Variants in DNAJC1 observed in about 807,000 individuals in gnomAD.
DNAJC1 encodes DnaJ heat shock protein family (Hsp40) member C1.
DNAJC1 carries 58 observed loss-of-function variants against 76.6 expected under a neutral mutation model. That is an observed-to-expected ratio of 0.76 (90% CI 0.61 to 0.94). The LOEUF (loss-of-function observed/expected upper bound fraction) is 0.94. Ranked by LOEUF, DNAJC1 falls within the 40% of genes least tolerant of loss-of-function variation. The pLI is 0.00. For missense variants in DNAJC1, 689 were observed against 677.3 expected, an observed-to-expected ratio of 1.02 and a Z score of -0.19; for synonymous variants, 258 against 267.9, an observed-to-expected ratio of 0.96 and a Z score of 0.36.
chr10:21,806,117 A>T lies in DNAJC1; in HGVS notation c.979-18T>A. On this transcript the variant is annotated intron_variant, in intron 8 of 11. Transcript: ENST00000376980. ...TCAGGTGCCTGCAAAACATTAAAGA[A>T]AATAAAAAAAGATAATTGGGAGAAA... 6.3e-7 allele frequency: 1 copy of T among 1,587,898 alleles called. No individual in the cohort carries two copies. The highest frequency in any genetic ancestry group is 1.2e-5 in the South Asian group (1 of 85,732).
At chr10:21,911,085 A>AAGGC (rs1442064993) in intron 6 of DNAJC1, among the ~76,000 whole-genome samples, 7 of 120,404 alleles carry the variant, frequency 5.8e-5, no homozygotes, top group Non-Finnish European at 8.8e-5. Context: ...GGAAGGAAGG[A>AAGGC]AGGCGGGAAG....
At chr10:21,775,166 C>T (rs1389177290) in intron 9 of DNAJC1, among the ~76,000 whole-genome samples, 1 of 151,590 alleles carries the variant, frequency 6.6e-6, no homozygotes, top group Non-Finnish European at 1.5e-5. Flanking sequence ...TTTTTTTTCT[C>T]ACTTAAAAGG....
rs1445964867 is a variant in DNAJC1 at position 21,869,976 on chromosome 10, T to C, written c.978+12306A>G. On this transcript the variant is annotated intron_variant, in intron 8 of 11. Transcript: ENST00000376980. ...ATTCGTATTTTATAAGTCAAGCATG[T>C]AACTGACACCACACCTGACAAATAA... is the stretch of plus-strand genomic sequence containing the variant. 4.6e-5 allele frequency among the ~76,000 whole-genome samples: 7 copies of C among 152,204 alleles called. No homozygotes were observed. The East Asian group carries it at 1.3e-3, about 29-fold the overall frequency.
At chr10:21,757,845 C>T (rs1397664614) in intron 11 of DNAJC1, among the ~76,000 whole-genome samples, 2 of 152,164 alleles carry the variant, frequency 1.3e-5, no homozygotes, top group Non-Finnish European at 2.9e-5. Context: ...AGAAGCCCTG[C>T]TCATTGCTGG....
At chr10:21,821,843 GAA>G (rs879615253) in intron 8 of DNAJC1, among the ~76,000 whole-genome samples, 1 of 127,534 alleles carries the variant, frequency 7.8e-6, no homozygotes, top group Non-Finnish European at 1.7e-5. Flanking sequence ...ACCTATTCAG[GAA>G]AAAAAAAAAA....
chr10:21,834,777 G>A (rs1396082799), intron 8 of DNAJC1, among the ~76,000 whole-genome samples: 1 of 152,176 alleles, frequency 6.6e-6, no homozygotes, highest in Non-Finnish European at 1.5e-5. Context: ...TGGGGGAGGG[G>A]CACCCGCCAT....
chr10:21,964,278 G>A (rs569226402), intron 1 of DNAJC1, among the ~76,000 whole-genome samples: 102 of 152,122 alleles, frequency 6.7e-4, no homozygotes, highest in Admixed American at 1.2e-3. Context: ...GCAGTGGCAC[G>A]ATCTCGGCCC....
At chr10:21,935,667 T>C (rs1837300476) in intron 1 of DNAJC1, among the ~76,000 whole-genome samples, 1 of 151,850 alleles carries the variant, frequency 6.6e-6, no homozygotes, top group Non-Finnish European at 1.5e-5. Context: ...ACTAAAGAGA[T>C]CCACACCTAG....
At chr10:21,799,207 C>G (rs949786778) in intron 9 of DNAJC1, among the ~76,000 whole-genome samples, 45 of 152,202 alleles carry the variant, frequency 3.0e-4, no homozygotes, top group African/African-American at 9.7e-4. Context: ...CCAATCTACT[C>G]TGTAGTATAA....
chr10:21,844,820 A>T (rs79117390), intron 8 of DNAJC1, among the ~76,000 whole-genome samples: 3,023 of 152,270 alleles, frequency 0.02, 102 homozygotes, highest in African/African-American at 0.069. Context: ...GGATCAATTG[A>T]ACGTGAGCTC....
intron 8 of DNAJC1, among the ~76,000 whole-genome samples, chr10:21,868,072 T>A: frequency 6.1e-5 from 1 of 16,380 alleles, no homozygotes; most frequent in Non-Finnish European, 1.4e-4. Flanking sequence ...CAAGATTCTG[T>A]CTCCAAAAAA....
At chr10:21,896,735 AG>A (rs367681859) in intron 7 of DNAJC1, among the ~76,000 whole-genome samples, 1,986 of 151,652 alleles carry the variant, frequency 0.013, 38 homozygotes, top group African/African-American at 0.043. Context: ...AAATTTTGGA[AG>A]GGGGGGGTTC....
rs183837839 is a variant in DNAJC1 at position 21,904,237 on chromosome 10, G to A, written c.820+285C>T. Among the ~76,000 whole-genome samples the A allele has an allele frequency of 1.7e-4, 26 of 152,254 alleles. No individual in the cohort carries two copies. In the East Asian group the frequency reaches 4.6e-3, roughly 27 times the overall value. On this transcript the variant is annotated intron_variant, in intron 7 of 11. Coordinates refer to ENST00000376980, the MANE Select transcript of DNAJC1 (RefSeq NM_022365.4). ...TATCAACTGTAATTATAGTACTGAA[G>A]TATTTTAGGGCTTTGCAGACTTTGG... is the stretch of plus-strand genomic sequence containing the variant.
intron 9 of DNAJC1, among the ~76,000 whole-genome samples, chr10:21,779,479 AAACAG>A (rs1834499306): frequency 6.6e-6 from 1 of 152,236 alleles, no homozygotes; most frequent in African/African-American, 2.4e-5. Flanking sequence ...ATACCCAGGC[AAACAG>A]GGTCTGGAGT....
intron 1 of DNAJC1, among the ~76,000 whole-genome samples, chr10:21,930,072 T>A (rs1837197048): frequency 6.6e-6 from 1 of 152,192 alleles, no homozygotes; most frequent in African/African-American, 2.4e-5. Context: ...ACCTCCTGGG[T>A]CCAAGAGATT....
intron 7 of DNAJC1, among the ~76,000 whole-genome samples, chr10:21,891,476 C>CAAAAAAAAAAAAAAAAA (rs369729722): frequency 5.4e-3 from 207 of 38,198 alleles, no homozygotes; most frequent in Middle Eastern, 0.059. Flanking sequence ...ACAAAGTAGA[C>CAAAAAAAAAAAAAAAAA]AAAAAAAAAA....
At chr10:21,814,266 C>A (rs1326149909) in intron 8 of DNAJC1, among the ~76,000 whole-genome samples, 1 of 152,166 alleles carries the variant, frequency 6.6e-6, no homozygotes, top group Non-Finnish European at 1.5e-5. Context: ...TCAAACACAG[C>A]TGCTATAAAG....
At position 21,890,442 on chromosome 10, in the gene DNAJC1, A is replaced by G. The variant is rs1317414542; in HGVS notation, c.821-8003T>C. Reference sequence around the variant, plus strand: ...CCTACAAAAAAAAAAAAAAAAAAAGAAAGGAAGCCTACTGAAGAATCAGGG... The same window carrying G: ...CCTACAAAAAAAAAAAAAAAAAAAGGAAGGAAGCCTACTGAAGAATCAGGG... On this transcript the variant is annotated intron_variant, in intron 7 of 11. Transcript: ENST00000376980. Among the ~76,000 whole-genome samples, 4 of 150,246 alleles carry G rather than the reference A, an allele frequency of 2.7e-5. No individual in the cohort carries two copies. In the East Asian group the frequency reaches 7.8e-4, roughly 29 times the overall value.
chr10:21,935,693 A>C (rs2131788704), intron 1 of DNAJC1, among the ~76,000 whole-genome samples: 1 of 152,260 alleles, frequency 6.6e-6, no homozygotes, highest in East Asian at 1.9e-4. Flanking sequence ...TTAGAATCAA[A>C]ATGTTAAAAG....
Sources: allele counts gnomAD v4.1 joint callset (sites outside exome capture counted in the v4.1 genomes callset), GRCh38; gene constraint gnomAD v4.1.1; transcripts MANE v1.5; gene names NCBI Gene and HGNC (gene_info 2026-07-23, HGNC 2026-07-21).